The following CPNE3 variants were observed in gnomAD, a reference collection of about 807,000 sequenced individuals.
CPNE3 encodes the protein copine 3, also known as copine-3.
CPNE3 carries 68 observed loss-of-function variants against 63.9 expected under a neutral mutation model. The ratio of observed to expected loss-of-function variants is 1.06; its 90% CI spans 0.87 to 1.30. CPNE3 has a LOEUF of 1.30. Among genes scored for constraint, CPNE3 ranks in the 50% most tolerant of loss-of-function variants. The pLI, the probability that CPNE3 is intolerant of heterozygous loss-of-function variation, is 0.00. For missense variants in CPNE3, 665 were observed against 578.1 expected, an observed-to-expected ratio of 1.15 and a Z score of -1.54; for synonymous variants, 219 against 197.5, an observed-to-expected ratio of 1.11 and a Z score of -0.91.
At chr8:86,527,449 G>A (rs1170804437) in intron 2 of CPNE3, among the ~76,000 whole-genome samples, 1 of 152,148 alleles carries the variant, frequency 6.6e-6, no homozygotes, top group Admixed American at 6.6e-5. Context: ...ATTGATTGGA[G>A]ACTGGGGAAG....
intron 7 of CPNE3, among the ~76,000 whole-genome samples, chr8:86,537,856 T>C (rs1820835101): frequency 6.6e-6 from 1 of 152,112 alleles, no homozygotes; most frequent in African/African-American, 2.4e-5. Context: ...TTTTAAGTCC[T>C]ATAAAGAACA....
At chr8:86,532,623 C>A in intron 6 of CPNE3, 43 bp downstream of exon 6, 1 of 1,530,582 alleles carries the variant, frequency 6.5e-7, no homozygotes, top group Non-Finnish European at 8.9e-7. Flanking sequence ...TCATGTTTTG[C>A]CTCTTTTTTA....
chr8:86,554,723 C>G (rs1258382946), intron 14 of CPNE3, 128 bp from the exon 15 acceptor site: 1 of 1,107,870 alleles, frequency 9.0e-7, no homozygotes, highest in East Asian at 2.5e-5. Context: ...GGAACTACTG[C>G]TTATAGAACT....
At chr8:86,533,900 A>G (rs1021766260) in intron 6 of CPNE3, among the ~76,000 whole-genome samples, 1 of 150,934 alleles carries the variant, frequency 6.6e-6, no homozygotes, top group Non-Finnish European at 1.5e-5. Context: ...CTTCCTTTGT[A>G]TCTATTCTTC....
intron 8 of CPNE3, among the ~76,000 whole-genome samples, chr8:86,541,879 C>A (rs1820950031): frequency 6.6e-6 from 1 of 151,976 alleles, no homozygotes; most frequent in Admixed American, 6.6e-5. Flanking sequence ...TATTTTTTAT[C>A]ATTTTGCCAA....
chr8:86,548,245 C>T (rs1586846550), intron 11 of CPNE3, 56 bp from the exon 12 acceptor site: 1 of 1,588,584 alleles, frequency 6.3e-7, no homozygotes, highest in East Asian at 2.2e-5. Context: ...TCCTGGACAT[C>T]AAGCACAGGT....
intron 14 of CPNE3, among the ~76,000 whole-genome samples, chr8:86,552,666 G>A (rs1821207578): frequency 6.6e-6 from 1 of 151,052 alleles, no homozygotes; most frequent in East Asian, 1.9e-4. Context: ...TTTAAGGCAA[G>A]GAAGTTTAAT....
chr8:86,531,404 C>T (rs906574660), intron 5 of CPNE3, among the ~76,000 whole-genome samples, 175 bp downstream of exon 5: 3 of 152,176 alleles, frequency 2.0e-5, no homozygotes, highest in Admixed American at 6.5e-5. Context: ...TTGTGCAAAC[C>T]AGGGGAAACA....
At chr8:86,557,850 G>C (rs1821355481) in intron 16 of CPNE3, among the ~76,000 whole-genome samples, 1 of 152,240 alleles carries the variant, frequency 6.6e-6, no homozygotes, top group Middle Eastern at 3.4e-3. Flanking sequence ...TTTTGGTTTT[G>C]ATACTGTACT....
At chr8:86,553,020 C>T (rs1210422023) in intron 14 of CPNE3, among the ~76,000 whole-genome samples, 7 of 135,798 alleles carry the variant, frequency 5.2e-5, no homozygotes, top group African/African-American at 1.3e-4. Flanking sequence ...CCTGCCACCA[C>T]GCTCGGCTAA....
intron 6 of CPNE3, among the ~76,000 whole-genome samples, chr8:86,533,616 T>G (rs770035179): frequency 1.3e-5 from 2 of 151,842 alleles, no homozygotes; most frequent in Non-Finnish European, 2.9e-5. Flanking sequence ...GTGGAAAAAT[T>G]TAAATATATA....
chr8:86,547,466 G>T, intron 10 of CPNE3: 1 of 382,032 alleles, frequency 2.6e-6, no homozygotes, highest in Non-Finnish European at 4.7e-6. Context: ...AACTTAAAAT[G>T]AGTGTATTTC....
chr8:86,544,733 A>C lies in CPNE3; in HGVS notation c.634-7A>C. ...TTTTTATATATTTTTATTATATTTAATTTCAGGTGGAGTGTTATGATTATG... is the reference window on the plus strand; with the variant it reads ...TTTTTATATATTTTTATTATATTTACTTTCAGGTGGAGTGTTATGATTATG... On this transcript the variant is annotated splice_region_variant and splice_polypyrimidine_tract_variant and intron_variant, in intron 8 of 16. Coordinates refer to ENST00000517490, the MANE Select transcript of CPNE3 (RefSeq NM_003909.5). 7.4e-7 allele frequency: 1 copy of C among 1,349,806 alleles called. No individual in the cohort carries two copies. The highest frequency in any genetic ancestry group is 9.8e-7 in the Non-Finnish European group (1 of 1,016,050). 83.6% of individuals were successfully genotyped at this position (1,349,806 alleles called of 1,614,324 possible). A position where few individuals can be genotyped will look rare whatever the true frequency, so the allele number is the denominator to read the frequency against.
At chr8:86,540,186 G>A (rs1820901840) in intron 7 of CPNE3, 59 bp from the exon 8 acceptor site, 3 of 1,020,802 alleles carry the variant, frequency 2.9e-6, no homozygotes, top group Non-Finnish European at 1.6e-6. Flanking sequence ...AAGGGCAGGA[G>A]CAAAATGTTA....
chr8:86,552,963 C>CA (rs1491134223), intron 14 of CPNE3, among the ~76,000 whole-genome samples: 1 of 10,904 alleles, frequency 9.2e-5, no homozygotes, highest in South Asian at 8.5e-3. Context: ...CCACAGCCCG[C>CA]CCCCCCCCCC....
rs138693018 is a variant in CPNE3 at position 86,554,928 on chromosome 8, A to G, written c.1198A>G (p.Ile400Val). The change falls in exon 15 of 17, where the codon ATC (isoleucine) becomes GTC (valine). Residue 400 changes from isoleucine (I) to valine (V), a missense_variant. By Grantham distance (29) the Ile-to-Val change is conservative. Transcript: ENST00000517490. ...KLYGPTNFSP[I>V]INHVARFAAA... ...CTATGGACCAACTAATTTTTCTCCA[A>G]TCATAAATCACGTGGCCAGGTTTGC... The G allele has an allele frequency of 2.1e-4, 341 of 1,614,152 alleles. 1 individual carries two copies. In the African/African-American group the frequency reaches 4.0e-3, roughly 19 times the overall value.
chr8:86,526,771 C>T (rs947513984), intron 2 of CPNE3, among the ~76,000 whole-genome samples: 7 of 152,192 alleles, frequency 4.6e-5, no homozygotes, highest in Admixed American at 3.9e-4. Flanking sequence ...CTTGGCCTCC[C>T]AAAGTGCTGG....
chr8:86,558,165 G>T, intron 16 of CPNE3, 123 bp from the exon 17 acceptor site: 6 of 683,596 alleles, frequency 8.8e-6, no homozygotes, highest in Non-Finnish European at 1.6e-5. Context: ...CCTAAGAAAA[G>T]GTACAGGCCT....
intron 2 of CPNE3, among the ~76,000 whole-genome samples, chr8:86,523,956 C>T (rs1318441217): frequency 3.3e-5 from 5 of 152,166 alleles, no homozygotes; most frequent in African/African-American, 4.8e-5. Flanking sequence ...TAGATGTTGG[C>T]AGAGCCATGA....
Sources: allele counts gnomAD v4.1 joint callset (sites outside exome capture counted in the v4.1 genomes callset), GRCh38; gene constraint gnomAD v4.1.1; transcripts MANE v1.5; gene names NCBI Gene and HGNC (gene_info 2026-07-23, HGNC 2026-07-21).